Variants in PRICKLE1 observed in about 807,000 individuals in gnomAD.
The protein encoded by PRICKLE1 is prickle-like protein 1.
PRICKLE1 carries 14 observed loss-of-function variants against 70.2 expected under a neutral mutation model. The observed-to-expected ratio is 0.20, with a 90% CI of 0.13 to 0.31. The LOEUF (loss-of-function observed/expected upper bound fraction) is 0.31. Ranked by LOEUF, PRICKLE1 falls within the 10% of genes least tolerant of loss-of-function variation. PRICKLE1 has a pLI of 1.00. For missense variants in PRICKLE1, 821 were observed against 1,026.2 expected, an observed-to-expected ratio of 0.80 and a Z score of 2.73; for synonymous variants, 357 against 379.9, an observed-to-expected ratio of 0.94 and a Z score of 0.70.
chr12:42,529,888 CA>C (rs1183317651), intron 1 of PRICKLE1, among the ~76,000 whole-genome samples: 4 of 148,638 alleles, frequency 2.7e-5, no homozygotes, highest in African/African-American at 7.4e-5. Flanking sequence ...GAGACCTTAT[CA>C]AAAAAAAAGG....
At chr12:42,486,588 G>C (rs1167810544) in intron 1 of PRICKLE1, among the ~76,000 whole-genome samples, 1 of 152,104 alleles carries the variant, frequency 6.6e-6, no homozygotes, top group Non-Finnish European at 1.5e-5. Flanking sequence ...ATGTCAGCCA[G>C]CTGCGTTGGG....
At chr12:42,580,168 C>A (rs533324905) in intron 1 of PRICKLE1, among the ~76,000 whole-genome samples, 1 of 152,112 alleles carries the variant, frequency 6.6e-6, no homozygotes, top group Non-Finnish European at 1.5e-5. Flanking sequence ...AGTCACCACA[C>A]CTGGCCCCAG....
intron 1 of PRICKLE1, among the ~76,000 whole-genome samples, chr12:42,511,383 C>T (rs1433432420): frequency 6.6e-6 from 1 of 152,126 alleles, no homozygotes; most frequent in Non-Finnish European, 1.5e-5. Context: ...TGCAGGTGTC[C>T]ACATGAATTT....
intron 1 of PRICKLE1, among the ~76,000 whole-genome samples, chr12:42,580,014 G>A (rs1451162611): frequency 1.3e-5 from 2 of 152,010 alleles, no homozygotes; most frequent in Non-Finnish European, 2.9e-5. Context: ...TGGGATTACA[G>A]GCACCCGCCA....
At chr12:42,561,595 T>G (rs1940513346) in intron 1 of PRICKLE1, among the ~76,000 whole-genome samples, 1 of 152,250 alleles carries the variant, frequency 6.6e-6, no homozygotes, top group South Asian at 2.1e-4. Context: ...AGGCTCAAAA[T>G]AGTTTTTAAT....
At chr12:42,524,525 T>G (rs943761424) in intron 1 of PRICKLE1, among the ~76,000 whole-genome samples, 1 of 152,162 alleles carries the variant, frequency 6.6e-6, no homozygotes, top group Non-Finnish European at 1.5e-5. Context: ...GCGATTCTCC[T>G]GCCAGCCTCC....
At chr12:42,503,351 C>T (rs747735882) in intron 1 of PRICKLE1, among the ~76,000 whole-genome samples, 3 of 152,078 alleles carry the variant, frequency 2.0e-5, no homozygotes, top group Non-Finnish European at 4.4e-5. Context: ...TTAGTTACTC[C>T]CACCTGGGAT....
At chr12:42,550,772 C>A (rs1013796791) in intron 1 of PRICKLE1, among the ~76,000 whole-genome samples, 1 of 152,168 alleles carries the variant, frequency 6.6e-6, no homozygotes, top group Non-Finnish European at 1.5e-5. Context: ...GCTTTGAGAA[C>A]GCTCGAAGTT....
At position 42,465,100 on chromosome 12, in the gene PRICKLE1, C is replaced by A; in HGVS notation, c.934G>T (p.Val312Phe). 4 of 1,564,604 alleles carry A rather than the reference C, an allele frequency of 2.6e-6. No individual in the cohort carries two copies. Among genetic ancestry groups the A allele is most frequent in the Non-Finnish European group, 1.7e-6 (2 of 1,159,682 alleles). Residue 312 changes from valine (V) to phenylalanine (F), a missense_variant, in exon 7 of 8, where the codon GTC becomes TTC. Val to Phe is a conservative substitution (Grantham distance 50). Coordinates refer to ENST00000345127, the MANE Select transcript of PRICKLE1 (RefSeq NM_153026.3). ...GAGTCGGAAGAATCAGAGGCATGGA[C>A]GTCTTCACCAAGACTGCACGTTTTT... ...CSKTCSLGED[V>F]HASDSSDSAF...
chr12:42,472,253 A>G (rs2140124386), intron 2 of PRICKLE1, 132 bp downstream of exon 2: 1 of 1,048,864 alleles, frequency 9.5e-7, no homozygotes, highest in Non-Finnish European at 1.4e-6. Context: ...AAGCCATACA[A>G]AGAAGAATAA....
chr12:42,549,119 C>CG (rs1940262195), intron 1 of PRICKLE1, among the ~76,000 whole-genome samples: 1 of 53,968 alleles, frequency 1.9e-5, no homozygotes, highest in African/African-American at 9.4e-5. Flanking sequence ...ACCCTGTCTC[C>CG]AAAAAAAAAA....
intron 6 of PRICKLE1, chr12:42,465,901 GTGACCAGAGGCTCACAGGAACC>G: frequency 4.1e-6 from 2 of 487,070 alleles, no homozygotes; most frequent in Non-Finnish European, 7.5e-6. Context: ...TGAAACTGCT[GTGACCAGAGGCTCACAGGAACC>G]TAACCCTGTA....
intron 1 of PRICKLE1, among the ~76,000 whole-genome samples, chr12:42,544,978 C>A (rs1257456371): frequency 3.1e-5 from 3 of 96,820 alleles, no homozygotes; most frequent in African/African-American, 1.2e-4. Flanking sequence ...CCTAGGACTA[C>A]CACGCTGAAT....
chr12:42,465,507 TA>T, intron 6 of PRICKLE1: 1 of 518,746 alleles, frequency 1.9e-6, no homozygotes, highest in Non-Finnish European at 3.4e-6. Flanking sequence ...TGCAGAGTGG[TA>T]AAAATACGAA....
At chr12:42,530,237 C>T (rs1434045176) in intron 1 of PRICKLE1, among the ~76,000 whole-genome samples, 1 of 152,122 alleles carries the variant, frequency 6.6e-6, no homozygotes, top group African/African-American at 2.4e-5. Flanking sequence ...AGCCACTGCG[C>T]CCGGCCTATA....
chr12:42,459,270 A>G lies in PRICKLE1; in HGVS notation c.*539T>C, dbSNP rs1179668567. 8.6e-6 allele frequency: 6 copies of G among 693,862 alleles called. No individual in the cohort carries two copies. Among genetic ancestry groups the G allele is most frequent in the African/African-American group, 1.8e-5 (1 of 56,114 alleles). The allele number at this position is 693,862 out of a possible 1,614,324, so 43.0% of individuals were successfully genotyped here. ...CAATGTTTTTTGTTTTTTTTTTTCAATCTGTAGCTGGCGCTGATACAATAC... is the reference window on the plus strand; with the variant it reads ...CAATGTTTTTTGTTTTTTTTTTTCAGTCTGTAGCTGGCGCTGATACAATAC... On this transcript the variant is annotated 3_prime_UTR_variant, in exon 8 of 8. Transcript: ENST00000345127.
intron 1 of PRICKLE1, among the ~76,000 whole-genome samples, chr12:42,586,901 C>G (rs987896019): frequency 2.6e-5 from 4 of 152,136 alleles, no homozygotes; most frequent in Non-Finnish European, 5.9e-5. Context: ...TCAGAATTAT[C>G]AAAAGAGAGA....
chr12:42,578,690 A>C (rs1411246211), intron 1 of PRICKLE1, among the ~76,000 whole-genome samples: 1 of 152,072 alleles, frequency 6.6e-6, no homozygotes, highest in Non-Finnish European at 1.5e-5. Context: ...CTTTCTAAAA[A>C]ATTTTTAGGT....
At chr12:42,474,145 G>A (rs1276026085) in intron 1 of PRICKLE1, among the ~76,000 whole-genome samples, 1 of 152,116 alleles carries the variant, frequency 6.6e-6, no homozygotes, top group Non-Finnish European at 1.5e-5. Context: ...GGTGGTGGGT[G>A]CCTGTAATCC....
Sources: allele counts gnomAD v4.1 joint callset (sites outside exome capture counted in the v4.1 genomes callset), GRCh38; gene constraint gnomAD v4.1.1; transcripts MANE v1.5; gene names NCBI Gene and HGNC (gene_info 2026-07-23, HGNC 2026-07-21).